The following SLC35D2 variants were observed in gnomAD, a reference collection of about 807,000 sequenced individuals.
SLC35D2 encodes nucleotide sugar transporter SLC35D2.
In SLC35D2, 43 loss-of-function variants were observed where a neutral mutation model predicts 41.8. That is an observed-to-expected ratio of 1.03 (90% CI 0.81 to 1.33). SLC35D2 has a LOEUF of 1.33. SLC35D2 is among the 40% of genes most tolerant of loss of function. The pLI is 0.00. For synonymous variants in SLC35D2, 150 were observed against 163.9 expected, an observed-to-expected ratio of 0.92 and a Z score of 0.65; for missense variants, 380 against 408.4, an observed-to-expected ratio of 0.93 and a Z score of 0.60.
chr9:96,328,367 C>T (rs1270188396), intron 9 of SLC35D2, among the ~76,000 whole-genome samples: 1 of 152,046 alleles, frequency 6.6e-6, no homozygotes, highest in African/African-American at 2.4e-5. Context: ...CTTCCCACCT[C>T]AGCCTCCCAA....
At chr9:96,332,025 G>A (rs781614541) in intron 9 of SLC35D2, among the ~76,000 whole-genome samples, 1 of 152,108 alleles carries the variant, frequency 6.6e-6, no homozygotes, top group East Asian at 1.9e-4. Context: ...GGGGACTGCT[G>A]GTTTACAGTG....
chr9:96,323,022 CTT>C (rs869071613), intron 10 of SLC35D2, among the ~76,000 whole-genome samples: 209 of 133,150 alleles, frequency 1.6e-3, no homozygotes, highest in African/African-American at 3.8e-3. Flanking sequence ...CCTGGTTTTT[CTT>C]TTTTTTTTTT....
At chr9:96,339,156 G>C (rs1354040123) in intron 8 of SLC35D2, among the ~76,000 whole-genome samples, 1 of 152,050 alleles carries the variant, frequency 6.6e-6, no homozygotes, top group Non-Finnish European at 1.5e-5. Context: ...TGTCGCCCAG[G>C]CTGGAGTGCG....
chr9:96,314,410 TCAAAAGGAACGAGATCATGTCCATTG>T (rs1828001902), exon 12 of SLC35D2: 1 of 152,030 alleles, frequency 6.6e-6, no homozygotes, highest in African/African-American at 2.4e-5. Context: ...TATGCAGCCA[TCAAAAGGAACGAGATCATGTCCATTG>T]CAGGGACATG....
Position 96,333,650 on chromosome 9 carries a change from GT to G in SLC35D2, c.752+3066del, listed in dbSNP as rs1363025502. Among the ~76,000 whole-genome samples, 4 of 151,256 alleles carry G rather than the reference GT, an allele frequency of 2.6e-5. No individual in the cohort carries two copies. The South Asian group carries it at 8.4e-4, about 32-fold the overall frequency. ...ATTGTAGACAGATGGGATCAAGCCT[GT>G]CATGGGCAAGCCCTGGAGGGTAACA... is the stretch of plus-strand genomic sequence containing the variant. On this transcript the variant is annotated intron_variant, in intron 9 of 11. Coordinates refer to ENST00000253270, the MANE Select transcript of SLC35D2 (RefSeq NM_007001.3).
intron 11 of SLC35D2, among the ~76,000 whole-genome samples, chr9:96,315,595 A>G (rs1301462507): frequency 6.6e-6 from 1 of 151,934 alleles, no homozygotes; most frequent in Non-Finnish European, 1.5e-5. Context: ...CACCACGCCC[A>G]GCTAATTTTT....
chr9:96,339,483 T>G (rs960900288), intron 8 of SLC35D2, among the ~76,000 whole-genome samples: 5 of 152,160 alleles, frequency 3.3e-5, no homozygotes, highest in Non-Finnish European at 5.9e-5. Context: ...ATTTTTAAAA[T>G]AATGCAGCAT....
At chr9:96,331,437 T>G (rs7028361) in intron 9 of SLC35D2, among the ~76,000 whole-genome samples, 1 of 151,988 alleles carries the variant, frequency 6.6e-6, no homozygotes, top group African/African-American at 2.4e-5. Flanking sequence ...CTTGCAAGAA[T>G]GTAGGACTCA....
intron 9 of SLC35D2, among the ~76,000 whole-genome samples, chr9:96,330,831 T>G (rs1281421546): frequency 2.0e-5 from 3 of 152,156 alleles, no homozygotes; most frequent in Non-Finnish European, 2.9e-5. Flanking sequence ...CCTCGCAAAT[T>G]GCTCACAAGG....
intron 6 of SLC35D2, among the ~76,000 whole-genome samples, chr9:96,348,777 G>A (rs1009036588): frequency 3.3e-5 from 5 of 152,126 alleles, no homozygotes; most frequent in Admixed American, 1.3e-4. Context: ...TAGGAACCCC[G>A]ATTTACCCTT....
At chr9:96,338,555 C>CAAA (rs58788876) in intron 8 of SLC35D2, among the ~76,000 whole-genome samples, 4,141 of 115,704 alleles carry the variant, frequency 0.036, 238 homozygotes, top group African/African-American at 0.12. Flanking sequence ...GACCCTGTCT[C>CAAA]AAAAAAAAAA....
At chr9:96,351,296 T>C in intron 5 of SLC35D2, 125 bp from the exon 6 acceptor site, 1 of 670,448 alleles carries the variant, frequency 1.5e-6, no homozygotes, top group Non-Finnish European at 2.6e-6. Flanking sequence ...CAGCAGACAA[T>C]GCTTGATGCA....
intron 10 of SLC35D2, 91 bp from the exon 11 acceptor site, chr9:96,322,171 T>TA: frequency 1.2e-6 from 1 of 812,540 alleles, no homozygotes; most frequent in African/African-American, 1.7e-5. Flanking sequence ...ACATTTTAGT[T>TA]ACTTTGCATA....
Position 96,336,745 on chromosome 9 carries a change from G to A in SLC35D2, c.724C>T (p.Leu242=), listed in dbSNP as rs1246218809. The A allele has an allele frequency of 6.9e-6, 11 of 1,586,858 alleles. No homozygotes were observed. Among genetic ancestry groups the A allele is most frequent in the African/African-American group, 1.3e-5 (1 of 74,410 alleles). Residue 242 remains leucine (L), a synonymous_variant, in exon 9 of 12, where the codon CTA becomes TTA. Transcript: ENST00000253270. Reference sequence around the variant, plus strand: ...AAAAAACAGGAAAGAAGAAACTGTAGGATAAACACAACATTCTTCCATTGG... The same window carrying A: ...AAAAAACAGGAAAGAAGAAACTGTAAGATAAACACAACATTCTTCCATTGG... ...FNQWKNVVFI[L]QFLLSCFLGF...
At chr9:96,345,230 A>G (rs1811266284) in intron 7 of SLC35D2, 69 bp downstream of exon 7, 1 of 783,886 alleles carries the variant, frequency 1.3e-6, no homozygotes, top group African/African-American at 1.8e-5. Flanking sequence ...GTACACATTC[A>G]TTTTCATTTT....
chr9:96,361,177 T>C (rs556476401), intron 3 of SLC35D2, among the ~76,000 whole-genome samples: 1 of 152,352 alleles, frequency 6.6e-6, no homozygotes, highest in Admixed American at 6.5e-5. Context: ...AAGCTGAAGA[T>C]ATGCATGCCC....
At chr9:96,365,191 A>C (rs1039879244) in intron 2 of SLC35D2, among the ~76,000 whole-genome samples, 3 of 151,900 alleles carry the variant, frequency 2.0e-5, no homozygotes, top group Admixed American at 2.0e-4. Flanking sequence ...CCATCTCTAC[A>C]AAAAAATACA....
chr9:96,333,295 A>G (rs946907211), intron 9 of SLC35D2, among the ~76,000 whole-genome samples: 8 of 151,864 alleles, frequency 5.3e-5, no homozygotes, highest in Non-Finnish European at 7.4e-5. Context: ...TTAAATGGGG[A>G]AAAAAAGTAT....
rs1388023918 is a variant in SLC35D2 at position 96,368,264 on chromosome 9, T to C, written c.192+8A>G. ...AATAAGAGGTTAATTCTATTTTTTT[T>C]CACTCACCTGTCCAATTCCAAGGAA... On this transcript the variant is annotated splice_region_variant and intron_variant, in intron 2 of 11. Coordinates refer to ENST00000253270, the MANE Select transcript of SLC35D2 (RefSeq NM_007001.3). 6.3e-7 allele frequency: 1 copy of C among 1,598,128 alleles called. No homozygotes were observed. Among genetic ancestry groups the C allele is most frequent in the African/African-American group, 1.3e-5 (1 of 74,524 alleles).
Sources: gnomAD v4.1 joint callset for allele counts (sites outside exome capture counted in the v4.1 genomes callset) on GRCh38, gnomAD v4.1.1 for gene constraint, MANE v1.5 for transcripts, NCBI Gene and HGNC (gene_info 2026-07-23, HGNC 2026-07-21) for gene names.